ADGB: variants seen among roughly 807,000 people sequenced by gnomAD.
ADGB encodes androglobin.
ADGB carries 172 observed loss-of-function variants against 210.5 expected under a neutral mutation model. That is an observed-to-expected ratio of 0.82 (90% CI 0.72 to 0.93). The LOEUF (loss-of-function observed/expected upper bound fraction) is 0.93, where lower values mean the gene tolerates loss of function less well. Among genes scored for constraint, ADGB ranks in the 40% least tolerant of loss-of-function variants. ADGB has a pLI of 0.00. For synonymous variants in ADGB, 658 were observed against 662.7 expected (o/e 0.99, Z 0.11); for missense variants, 2,025 against 1,964.8 (o/e 1.03, Z -0.58).
intron 35 of ADGB, chr6:146,803,089 C>A: frequency 6.5e-7 from 1 of 1,535,706 alleles, no homozygotes; most frequent in Non-Finnish European, 9.0e-7. Context: ...TATTGTTTTT[C>A]TTCCTGTAAA....
rs1056251174 is a variant in ADGB, at chr6:146,637,648, C to A, written c.237+2111C>A. Among the ~76,000 whole-genome samples, 4 of 152,078 alleles carry A rather than the reference C, an allele frequency of 2.6e-5. No individual in the cohort carries two copies. The East Asian group carries it at 5.8e-4, about 22-fold the overall frequency. Reference sequence around the variant, plus strand: ...CACCAGCCCTACCAAATCCTGAAACCCAGTGTTGACTGAGTCAGGTACATC... The same window carrying A: ...CACCAGCCCTACCAAATCCTGAAACACAGTGTTGACTGAGTCAGGTACATC... On this transcript the variant is annotated intron_variant, in intron 2 of 35. Coordinates refer to ENST00000397944, the MANE Select transcript of ADGB (RefSeq NM_024694.4).
chr6:146,703,389 C>G (rs912179364), intron 13 of ADGB, among the ~76,000 whole-genome samples: 3 of 151,700 alleles, frequency 2.0e-5, no homozygotes, highest in African/African-American at 7.3e-5. Flanking sequence ...TGTGAGAACA[C>G]TAAAATCTTC....
chr6:146,683,551 T>C (rs1033818314), intron 9 of ADGB, among the ~76,000 whole-genome samples: 1 of 152,110 alleles, frequency 6.6e-6, no homozygotes, highest in Non-Finnish European at 1.5e-5. Flanking sequence ...TATTTCAACA[T>C]TACATATTAC....
intron 35 of ADGB, among the ~76,000 whole-genome samples, chr6:146,806,995 C>G (rs547566628): frequency 1.3e-5 from 2 of 152,322 alleles, no homozygotes; most frequent in East Asian, 3.9e-4. Flanking sequence ...GGAGCTTCAT[C>G]ATCAAGTATA....
At chr6:146,813,644 A>C (rs1195874130) in intron 35 of ADGB, among the ~76,000 whole-genome samples, 3 of 152,178 alleles carry the variant, frequency 2.0e-5, no homozygotes, top group African/African-American at 7.2e-5. Context: ...AAGTTTGTTT[A>C]ATTAATGAAT....
rs1463470343 is a variant in ADGB, at chr6:146,676,324, G to A, written c.1099G>A (p.Ala367Thr). 6.5e-7 allele frequency: 1 copy of A among 1,547,510 alleles called. No individual in the cohort carries two copies. The highest frequency in any genetic ancestry group is 8.7e-7 in the Non-Finnish European group (1 of 1,144,876). ...TTTTCATATGTTAGAGAAAGCAGAT[G>A]CAAGAGACATTGGAAAGAAGAGAAG... ...SDKVPKEKAD[A>T]RDIGKKRSKD... The change falls in exon 9 of 36, where the codon GCA becomes ACA. Residue 367 changes from alanine (A) to threonine (T), a missense_variant. Physicochemically the swap from Ala to Thr is moderately conservative, Grantham distance 58. Transcript: ENST00000397944.
chr6:146,671,012 A>T (rs1776000095), intron 7 of ADGB, among the ~76,000 whole-genome samples: 1 of 152,186 alleles, frequency 6.6e-6, no homozygotes, highest in Non-Finnish European at 1.5e-5. Context: ...TCAAGGAAAT[A>T]GAAGAAAGCA....
intron 1 of ADGB, among the ~76,000 whole-genome samples, chr6:146,606,449 C>A (rs1780630331): frequency 6.6e-6 from 1 of 151,990 alleles, no homozygotes; most frequent in South Asian, 2.1e-4. Flanking sequence ...CTTTTGGAGC[C>A]TTCATCATAA....
At chr6:146,791,908 C>T (rs1161837434) in intron 33 of ADGB, among the ~76,000 whole-genome samples, 2 of 149,052 alleles carry the variant, frequency 1.3e-5, no homozygotes, top group East Asian at 3.9e-4. Context: ...CAGGCATGTG[C>T]CACTGCACCT....
rs553205959 is a variant in ADGB, at chr6:146,669,878, A to G, written c.840-2342A>G. 2.2e-4 allele frequency among the ~76,000 whole-genome samples: 34 copies of G among 152,210 alleles called. No homozygotes were observed. The East Asian group carries it at 2.5e-3, about 11-fold the overall frequency. The stretch of plus-strand genomic sequence containing the variant: ...TTAAACTCAGAATATCCAGAAAGGA[A>G]CTCTTGATTCTCAACCTCCTAAACT... On this transcript the variant is annotated intron_variant, in intron 7 of 35. Coordinates refer to ENST00000397944, the MANE Select transcript of ADGB (RefSeq NM_024694.4).
chr6:146,621,751 T>C (rs1259711345), intron 1 of ADGB, among the ~76,000 whole-genome samples: 2 of 152,140 alleles, frequency 1.3e-5, no homozygotes, highest in African/African-American at 4.8e-5. Context: ...TCATAATTAT[T>C]TTAATATTCA....
At chr6:146,741,333 GAGGGTCCTGA>G (rs1777161249) in intron 25 of ADGB, 62 bp downstream of exon 25, 3 of 1,496,678 alleles carry the variant, frequency 2.0e-6, no homozygotes, top group African/African-American at 1.4e-5. Flanking sequence ...CCAGCTTGTA[GAGGGTCCTGA>G]AGGGAGGGTA....
rs6915793 is a variant in ADGB at position 146,608,796 on chromosome 6, T to C, written c.74+9682T>C. On this transcript the variant is annotated intron_variant, in intron 1 of 35. Transcript: ENST00000397944. ...AATTGCTTTGTTGTCAAAGACATGG[T>C]TGATTTTACCGTATGTGCCATGTGA... 4.1e-3 allele frequency among the ~76,000 whole-genome samples: 625 copies of C among 152,318 alleles called. 1 individual carries two copies. The highest frequency in any genetic ancestry group is 0.014 in the African/African-American group (566 of 41,584).
At chr6:146,804,465 T>A (rs987269044) in intron 35 of ADGB, among the ~76,000 whole-genome samples, 1 of 152,042 alleles carries the variant, frequency 6.6e-6, no homozygotes, top group African/African-American at 2.4e-5. Flanking sequence ...CTCCTTCCCA[T>A]CTCAGCGCAA....
At chr6:146,673,040 T>G (rs921948493) in intron 8 of ADGB, among the ~76,000 whole-genome samples, 1 of 152,158 alleles carries the variant, frequency 6.6e-6, no homozygotes, top group Non-Finnish European at 1.5e-5. Flanking sequence ...CCAGTTTTTC[T>G]TATATAGGAG....
At chr6:146,739,728 T>TCC (rs1381623118) in intron 23 of ADGB, among the ~76,000 whole-genome samples, 4 of 152,168 alleles carry the variant, frequency 2.6e-5, no homozygotes, top group African/African-American at 9.7e-5. Context: ...AATGCTTCCA[T>TCC]CCCAGCTAAT....
At chr6:146,689,636 G>A (rs1212481213) in intron 10 of ADGB, among the ~76,000 whole-genome samples, 1 of 152,108 alleles carries the variant, frequency 6.6e-6, no homozygotes, top group African/African-American at 2.4e-5. Context: ...ATTATGACTA[G>A]TAAAGTATCT....
intron 11 of ADGB, 121 bp downstream of exon 11, chr6:146,691,411 AATAT>A (rs71031004): frequency 0.011 from 1,036 of 98,170 alleles, 57 homozygotes; most frequent in African/African-American, 0.053. Context: ...GCCTATGTTT[AATAT>A]ATATATATAT....
chr6:146,599,733 T>C (rs1321251647), intron 1 of ADGB, among the ~76,000 whole-genome samples: 4 of 152,212 alleles, frequency 2.6e-5, no homozygotes, highest in Non-Finnish European at 5.9e-5. Context: ...TTAGGTGTTG[T>C]GTCTTAGGAT....
Sources: gnomAD v4.1 joint callset for allele counts (sites outside exome capture counted in the v4.1 genomes callset) on GRCh38, gnomAD v4.1.1 for gene constraint, MANE v1.5 for transcripts, NCBI Gene and HGNC (gene_info 2026-07-23, HGNC 2026-07-21) for gene names.